The following CIT variants were observed in gnomAD, a reference collection of about 807,000 sequenced individuals.
CIT encodes the protein citron rho-interacting serine/threonine kinase, also known as citron Rho-interacting kinase.
Under a neutral mutation model 272.7 loss-of-function variants are expected in CIT, and 79 were observed. The observed-to-expected ratio is 0.29, with a 90% confidence interval of 0.24 to 0.35. The LOEUF (loss-of-function observed/expected upper bound fraction) is 0.35, where lower values mean the gene tolerates loss of function less well. Among genes scored for constraint, CIT ranks in the 10% least tolerant of loss-of-function variants. CIT has a pLI of 1.00. For missense variants in CIT, 1,909 were observed against 2,618.3 expected (o/e 0.73, Z 5.91); for synonymous variants, 948 against 995.6 (o/e 0.95, Z 0.90).
chr12:119,734,740 G>A (rs1214402367), intron 25 of CIT, among the ~76,000 whole-genome samples: 3 of 152,014 alleles, frequency 2.0e-5, no homozygotes, highest in Non-Finnish European at 4.4e-5. Context: ...GGGTTCAAGC[G>A]TTCCTCCCGC....
At chr12:119,808,209 C>A (rs888550367) in intron 9 of CIT, among the ~76,000 whole-genome samples, 1 of 151,584 alleles carries the variant, frequency 6.6e-6, no homozygotes, top group African/African-American at 2.4e-5. Flanking sequence ...CAAAAATATT[C>A]GAAAAAAAAC....
Position 119,850,375 on chromosome 12 carries a change from T to TA in CIT, c.415-101dup, listed in dbSNP as rs34256172. 124,252 of 280,698 alleles carry TA rather than the reference T, an allele frequency of 0.44. 19,360 individuals carry two copies. The highest frequency in any genetic ancestry group is 0.49 in the Admixed American group (9,350 of 19,078). The allele number at this position is 280,698 out of a possible 1,614,324, so 17.4% of individuals were successfully genotyped here. On this transcript the variant is annotated intron_variant, in intron 4 of 47. Coordinates refer to ENST00000392521, the MANE Select transcript of CIT (RefSeq NM_001206999.2). ...ATGCCTAAACTGATGTTTCTAGCTT[T>TA]AAAAAAAAAAAAAGGCAAAGGAAAG...
rs1168713956 is a variant in CIT, at chr12:119,697,029, C to T, written c.5882+630G>A. ...GAGTCCAATCCTGTTCAGGAGGTCT[C>T]GCATTCCAGGGAAGGCACGAGGCTG... On this transcript the variant is annotated intron_variant, in intron 46 of 47. Transcript: ENST00000392521. The surrounding 1 kb of genome is among the most constrained non-coding windows in gnomAD (Gnocchi z 4.9). Among the ~76,000 whole-genome samples the T allele has an allele frequency of 1.3e-5, 2 of 152,130 alleles. No individual in the cohort carries two copies. Among genetic ancestry groups the T allele is most frequent in the African/African-American group, 2.4e-5 (1 of 41,428 alleles).
intron 23 of CIT, 99 bp from the exon 24 acceptor site, chr12:119,742,563 C>T (rs1221117381): frequency 2.6e-5 from 20 of 775,048 alleles, no homozygotes; most frequent in East Asian, 2.7e-5. Context: ...CCTGGAAAGC[C>T]GAGAATGCGG....
At chr12:119,825,468 T>C in intron 7 of CIT, 100 bp from the exon 8 acceptor site, 1 of 1,090,306 alleles carries the variant, frequency 9.2e-7, no homozygotes, top group South Asian at 1.5e-5. Context: ...TGCCACTGAT[T>C]ACTATTCTCC....
At position 119,690,207 on chromosome 12, in the gene CIT, T is replaced by A; in HGVS notation, c.6130A>T (p.Ser2044Cys). The A allele has an allele frequency of 6.6e-7, 1 of 1,510,788 alleles. No homozygotes were observed. The highest frequency in any genetic ancestry group is 1.3e-5 in the South Asian group (1 of 75,162). The allele number at this position is 1,510,788 out of a possible 1,614,324, so 93.6% of individuals were successfully genotyped here. The change falls in exon 47 of 48, where the codon AGC becomes TGC. Residue 2044 changes from serine (S) to cysteine (C), a missense_variant. By Grantham distance (112) the Ser-to-Cys change is moderately radical (BLOSUM62 -1). Around this residue, in one of 8 missense-constraint regions of CIT, gnomAD observed 780 missense variants for 1,067.2 expected, o/e 0.73. Coordinates refer to ENST00000392521, the MANE Select transcript of CIT (RefSeq NM_001206999.2). This position sits in a 1 kb window ranked among gnomAD's most constrained non-coding sequence, Gnocchi z 6.0. ...RSPGRLFEDS[S>C]RGRLPAGAVR... is the part of the protein sequence containing the mutation. ...GCTCCCGCAGGCAGCCGGCCCCTGC[T>A]GCTGTCTTCAAACAGCCTCCCGGGG...
intron 5 of CIT, among the ~76,000 whole-genome samples, chr12:119,839,283 C>T (rs943811126): frequency 2.6e-5 from 4 of 152,094 alleles, no homozygotes; most frequent in Non-Finnish European, 5.9e-5. Flanking sequence ...CTTGCATATG[C>T]GGGGATGGGG....
At chr12:119,819,860 A>C (rs573687095) in intron 9 of CIT, among the ~76,000 whole-genome samples, 2 of 152,394 alleles carry the variant, frequency 1.3e-5, no homozygotes, top group South Asian at 2.1e-4. Flanking sequence ...TTTCAATCAC[A>C]AATCTCTGAG....
rs1968068926 is a variant in CIT, at chr12:119,825,259, GA to G, written c.862del (p.Ser288GlnfsTer4). ...GTYGLDCDWW[S>X]VGVIAYEMIY... ...CATCTCATAGGCAATCACGCCCACTGACCACCAGTCACAGTCCAGGCCGTAG... is the reference window on the plus strand; with the variant it reads ...CATCTCATAGGCAATCACGCCCACTGCCACCAGTCACAGTCCAGGCCGTAG... On this transcript the variant is annotated frameshift_variant, in exon 8 of 48. Transcript: ENST00000392521. LOFTEE classifies it high-confidence loss of function. The G allele has an allele frequency of 1.2e-6, 2 of 1,613,960 alleles. No individual in the cohort carries two copies. The highest frequency in any genetic ancestry group is 1.6e-4 in the Middle Eastern group (1 of 6,084).
rs890716408 is a variant in CIT, at chr12:119,804,085, T to TA, written c.1112-697dup. On this transcript the variant is annotated intron_variant, in intron 9 of 47. Transcript: ENST00000392521. This position sits in a 1 kb window ranked among gnomAD's most constrained non-coding sequence, Gnocchi z 5.3. The stretch of plus-strand genomic sequence containing the variant: ...TCAGCATAATGAAGCACCAGCCAAA[T>TA]AAAGTTCCTACCGGTGATCTACAGC... 55 of 820,430 alleles carry TA rather than the reference T, an allele frequency of 6.7e-5. No individual in the cohort carries two copies. The African/African-American group carries it at 1.0e-3, about 16-fold the overall frequency. 50.8% of individuals were successfully genotyped at this position (820,430 alleles called of 1,614,324 possible). A position where few individuals can be genotyped will look rare whatever the true frequency, so the allele number is the denominator to read the frequency against.
chr12:119,788,215 T>C (rs1420821288), intron 10 of CIT, among the ~76,000 whole-genome samples: 1 of 152,178 alleles, frequency 6.6e-6, no homozygotes, highest in Non-Finnish European at 1.5e-5. Flanking sequence ...CCAGCCTGTT[T>C]TCTACCTAAA....
Position 119,690,126 on chromosome 12 carries a change from C to T in CIT, c.6186+25G>A. 6.9e-7 allele frequency: 1 copy of T among 1,448,638 alleles called. No homozygotes were observed. The highest frequency in any genetic ancestry group is 2.6e-5 in the East Asian group (1 of 37,922). The allele number at this position is 1,448,638 out of a possible 1,614,324, so 89.7% of individuals were successfully genotyped here. A position where few individuals can be genotyped will look rare whatever the true frequency, so the allele number is the denominator to read the frequency against. On this transcript the variant is annotated intron_variant, in intron 47 of 47. Transcript: ENST00000392521. This position sits in a 1 kb window ranked among gnomAD's most constrained non-coding sequence, Gnocchi z 6.0. ...TCACTCCTGGCCTCCGCAACAGACA[C>T]ACAGGCCTCGGAATGCTGCCTCACC...
intron 8 of CIT, 84 bp downstream of exon 8, chr12:119,825,081 T>C: frequency 8.1e-7 from 1 of 1,239,760 alleles, no homozygotes; most frequent in South Asian, 1.4e-5. Flanking sequence ...ATTACAGGCA[T>C]GAGCCACCAC....
Position 119,718,587 on chromosome 12 carries a change from C to A in CIT, c.4003+112G>T. On this transcript the variant is annotated intron_variant, in intron 31 of 47. Coordinates refer to ENST00000392521, the MANE Select transcript of CIT (RefSeq NM_001206999.2). This position sits in a 1 kb window ranked among gnomAD's most constrained non-coding sequence, Gnocchi z 4.8. ...AGACATGGGATGTCTGGTCTGAAAG[C>A]GTATGGGCCATAAACGAAGACACTG... 1 of 1,458,382 alleles carries A rather than the reference C, an allele frequency of 6.9e-7. No individual in the cohort carries two copies. Among genetic ancestry groups the A allele is most frequent in the Non-Finnish European group, 9.4e-7 (1 of 1,062,544 alleles). 90.3% of individuals were successfully genotyped at this position (1,458,382 alleles called of 1,614,324 possible). A position where few individuals can be genotyped will look rare whatever the true frequency, so the allele number is the denominator to read the frequency against.
chr12:119,704,495 G>A, intron 40 of CIT, 40 bp from the exon 41 acceptor site: 1 of 1,575,322 alleles, frequency 6.3e-7, no homozygotes, highest in South Asian at 1.1e-5. Context: ...TGTCACCAGT[G>A]TGATACCGGC....
Position 119,718,114 on chromosome 12 carries a change from A to C in CIT, c.4168+131T>G. 1 of 1,054,552 alleles carries C rather than the reference A, an allele frequency of 9.5e-7. No individual in the cohort carries two copies. The highest frequency in any genetic ancestry group is 1.3e-6 in the Non-Finnish European group (1 of 751,366). The allele number at this position is 1,054,552 out of a possible 1,614,324, so 65.3% of individuals were successfully genotyped here. A position where few individuals can be genotyped will look rare whatever the true frequency, so the allele number is the denominator to read the frequency against. The stretch of plus-strand genomic sequence containing the variant: ...CTCGGCCTCCCAAAGTGCTGGGGTT[A>C]CAGGTGTGAGCCACCGTGCCTGGCC... On this transcript the variant is annotated intron_variant, in intron 32 of 47. Transcript: ENST00000392521. The surrounding 1 kb of genome is among the most constrained non-coding windows in gnomAD (Gnocchi z 4.8).
chr12:119,822,439 A>G (rs1303715044), intron 9 of CIT, among the ~76,000 whole-genome samples: 2 of 152,230 alleles, frequency 1.3e-5, no homozygotes, highest in Non-Finnish European at 2.9e-5. Context: ...TAGCAGAACA[A>G]CCTGGGCATG....
At position 119,697,633 on chromosome 12, in the gene CIT, A is replaced by G. The variant is rs774471317; in HGVS notation, c.5882+26T>C. 6.2e-6 allele frequency: 10 copies of G among 1,609,836 alleles called. No homozygotes were observed. In the African/African-American group the frequency reaches 9.4e-5, roughly 15 times the overall value. On this transcript the variant is annotated intron_variant, in intron 46 of 47. Coordinates refer to ENST00000392521, the MANE Select transcript of CIT (RefSeq NM_001206999.2). This position sits in a 1 kb window ranked among gnomAD's most constrained non-coding sequence, Gnocchi z 4.9. ...TGCAGAAAAGCACGTTGCCCCTGGT[A>G]CTGAGGAAGAGGAGAAGCTGGTTAC...
chr12:119,706,089 CAAA>C (rs776220898), intron 40 of CIT, among the ~76,000 whole-genome samples: 6 of 98,582 alleles, frequency 6.1e-5, no homozygotes, highest in Non-Finnish European at 9.0e-5. Flanking sequence ...GACTCTGTGT[CAAA>C]AAAAAAAAAA....
Sources: gnomAD v4.1 joint callset for allele counts (sites outside exome capture counted in the v4.1 genomes callset) on GRCh38, gnomAD v4.1.1 for gene constraint, gnomAD v4.1.1 regional missense constraint, Gnocchi (gnomAD v3.1) non-coding constraint, MANE v1.5 for transcripts, NCBI Gene and HGNC (gene_info 2026-07-23, HGNC 2026-07-21) for gene names.